Variants in MED14 observed in about 807,000 individuals in gnomAD.
MED14 encodes the protein mediator of RNA polymerase II transcription subunit 14.
In MED14, 8 loss-of-function variants were observed where a neutral mutation model predicts 109.0. The ratio of observed to expected loss-of-function variants is 0.07; its 90% confidence interval spans 0.04 to 0.13. The LOEUF (loss-of-function observed/expected upper bound fraction) is 0.13. MED14 is among the 10% of genes least tolerant of loss of function. The probability of loss-of-function intolerance (pLI) is 1.00; values close to 1 mark genes in which losing one functional copy is unlikely to be tolerated. For synonymous variants in MED14, 399 were observed against 408.7 expected (o/e 0.98, Z 0.29); for missense variants, 711 against 1,142.4 (o/e 0.62, Z 5.44).
chrX:40,724,332 T>C (rs569664912), intron 3 of MED14, among the ~76,000 whole-genome samples: 4 of 112,473 alleles, frequency 3.6e-5, no homozygotes, highest in East Asian at 5.5e-4. Flanking sequence ...GTGGAACAAA[T>C]AAACCTAATA....
intron 1 of MED14, among the ~76,000 whole-genome samples, chrX:40,731,291 A>G (rs1435755169): frequency 9.0e-6 from 1 of 110,899 alleles, no homozygotes; most frequent in Non-Finnish European, 1.9e-5. Flanking sequence ...AAAACCACCT[A>G]AGTTGCCAAG....
In MED14 at chrX:40,651,263, G is replaced by A. The variant is rs61445550; in HGVS notation, c.*543C>T. 5.7e-5 allele frequency: 43 copies of A among 752,716 alleles called. No individual in the cohort carries two copies. The East Asian group carries it at 3.3e-3, about 58-fold the overall frequency. The allele number at this position is 752,716 out of a possible 1,213,427, so 62.0% of individuals were successfully genotyped here. On this transcript the variant is annotated 3_prime_UTR_variant, in exon 31 of 31. Coordinates refer to ENST00000324817, the MANE Select transcript of MED14 (RefSeq NM_004229.4). ...AGAGTTTATATACACACAAGTGAGT[G>A]TCACTGTTTTGTTTTGTTTTTGACC...
chrX:40,698,805 A>G (rs762471719), intron 12 of MED14, among the ~76,000 whole-genome samples: 85 of 112,441 alleles, frequency 7.6e-4, no homozygotes, highest in Middle Eastern at 4.6e-3. Flanking sequence ...TTCTCGCAAC[A>G]TTACTGATGA....
chrX:40,708,154 A>G (rs986812102), intron 10 of MED14, among the ~76,000 whole-genome samples: 1 of 110,939 alleles, frequency 9.0e-6, no homozygotes, highest in Non-Finnish European at 1.9e-5. Flanking sequence ...CCCAAGACAC[A>G]TCTAACCAAT....
At position 40,712,938 on chromosome X, in the gene MED14, G is replaced by T; in HGVS notation, c.757C>A (p.Leu253Ile). Reference sequence around the variant, plus strand: ...CCTCCTGTTTCCTTATCCTCAACTAGAATTTCTAGCTTGAGAAGACGCCAT... The same window carrying T: ...CCTCCTGTTTCCTTATCCTCAACTATAATTTCTAGCTTGAGAAGACGCCAT... The part of the protein sequence containing the change: ...VPWRLLKLEI[L>I]VEDKETGDGR... The change falls in exon 6 of 31, where the codon CTA becomes ATA. Residue 253 changes from leucine to isoleucine, a missense_variant. Physicochemically the swap from Leu to Ile is conservative, Grantham distance 5. This residue lies in a region of MED14 where 388 missense variants were observed against 517.3 expected (regional missense o/e 0.75). Transcript: ENST00000324817. 1 of 1,182,832 alleles carries T rather than the reference G, an allele frequency of 8.5e-7. No homozygotes were observed. The highest frequency in any genetic ancestry group is 1.1e-6 in the Non-Finnish European group (1 of 876,539).
At chrX:40,659,126 G>A in intron 28 of MED14, 101 bp downstream of exon 28, 1 of 421,494 alleles carries the variant, frequency 2.4e-6, no homozygotes. Context: ...GAGAAAAATA[G>A]AAGAAACTAC....
chrX:40,692,858 C>T lies in MED14; in HGVS notation c.1695G>A (p.Ser565=), dbSNP rs1930576445. ...TCACAGACATAAAGTAGTACTTGTACGACAGTTGTGTGGGTTTATTGGGAA... is the reference window on the plus strand; with the variant it reads ...TCACAGACATAAAGTAGTACTTGTATGACAGTTGTGTGGGTTTATTGGGAA... The part of the protein sequence containing the change: ...LEVPNKPTQL[S]YKYYFMSVNA... Residue 565 remains serine, a synonymous_variant, in exon 14 of 31, where the codon TCG becomes TCA. Coordinates refer to ENST00000324817, the MANE Select transcript of MED14 (RefSeq NM_004229.4). 1.7e-6 allele frequency: 2 copies of T among 1,194,035 alleles called. No individual in the cohort carries two copies. Among genetic ancestry groups the T allele is most frequent in the Non-Finnish European group, 2.3e-6 (2 of 888,188 alleles).
In MED14 at chrX:40,649,162, G is replaced by A. The variant is rs1410837440; in HGVS notation, c.*2644C>T. ...GGTAGCAAAGTTATAACTTCTTGAA[G>A]TTATCAAATTAACCACAGTCCAAAG... On this transcript the variant is annotated 3_prime_UTR_variant, in exon 31 of 31. Coordinates refer to ENST00000324817, the MANE Select transcript of MED14 (RefSeq NM_004229.4). The A allele has an allele frequency of 3.6e-5, 4 of 112,305 alleles. No homozygotes were observed. Among genetic ancestry groups the A allele is most frequent in the Non-Finnish European group, 7.5e-5 (4 of 53,340 alleles). 9.3% of individuals were successfully genotyped at this position (112,305 alleles called of 1,213,427 possible).
chrX:40,664,120 T>C (rs992441770), intron 25 of MED14, among the ~76,000 whole-genome samples, 187 bp downstream of exon 25: 1 of 111,020 alleles, frequency 9.0e-6, no homozygotes, highest in African/African-American at 3.3e-5. Flanking sequence ...TAGGCAAACA[T>C]GTGAAGGCTC....
chrX:40,687,382 T>C (rs1569287328), intron 16 of MED14, among the ~76,000 whole-genome samples: 1 of 112,062 alleles, frequency 8.9e-6, no homozygotes, highest in Non-Finnish European at 1.9e-5. Flanking sequence ...GTGGTTTCAT[T>C]ACTTTAGTCT....
At chrX:40,682,052 T>C in intron 18 of MED14, 109 bp from the exon 19 acceptor site, 1 of 366,083 alleles carries the variant, frequency 2.7e-6, no homozygotes, top group South Asian at 7.3e-5. Context: ...GACAGGTCTC[T>C]AGTTAAGTAA....
intron 24 of MED14, 133 bp downstream of exon 24, chrX:40,666,587 C>A (rs1929495780): frequency 1.5e-6 from 1 of 679,060 alleles, no homozygotes; most frequent in Non-Finnish European, 2.2e-6. Flanking sequence ...ATTTGATTTT[C>A]TTTTTGCTTG....
intron 24 of MED14, among the ~76,000 whole-genome samples, chrX:40,665,001 C>T (rs1021222673): frequency 1.8e-5 from 2 of 111,510 alleles, no homozygotes; most frequent in Non-Finnish European, 3.8e-5. Flanking sequence ...TTTCACCCTC[C>T]ATTGGTATCT....
In MED14 at chrX:40,687,247, T is replaced by A. The variant is rs142378284; in HGVS notation, c.2057+1207A>T. ...TAAAACCAAGAATCATCTTTGCCAC[T>A]TTCCCCTCTTTCTCACCTTCAACAC... On this transcript the variant is annotated intron_variant, in intron 16 of 30. Transcript: ENST00000324817. Among the ~76,000 whole-genome samples the A allele has an allele frequency of 2.6e-3, 287 of 111,554 alleles. 1 individual carries two copies. The highest frequency in any genetic ancestry group is 4.4e-3 in the Non-Finnish European group (232 of 53,091).
chrX:40,678,601 TA>T (rs959157558), intron 21 of MED14, among the ~76,000 whole-genome samples: 7 of 109,073 alleles, frequency 6.4e-5, no homozygotes, highest in Non-Finnish European at 9.6e-5. Context: ...AAAGCACACA[TA>T]AAAAAAAATT....
intron 24 of MED14, among the ~76,000 whole-genome samples, chrX:40,666,118 A>G (rs1602448457): frequency 8.9e-6 from 1 of 112,128 alleles, no homozygotes; most frequent in Middle Eastern, 4.6e-3. Context: ...TGAACACTGT[A>G]AAGTATGCTG....
intron 20 of MED14, 136 bp downstream of exon 20, chrX:40,680,622 T>C (rs1481675149): frequency 1.0e-5 from 5 of 498,785 alleles, no homozygotes; most frequent in East Asian, 3.9e-5. Context: ...TTTGCCACAT[T>C]GCCCAAGCTG....
intron 4 of MED14, among the ~76,000 whole-genome samples, chrX:40,714,264 A>G (rs1931436485): frequency 8.9e-6 from 1 of 112,087 alleles, no homozygotes; most frequent in African/African-American, 3.2e-5. Flanking sequence ...AGCAACTAGC[A>G]TGTAGCATTT....
intron 1 of MED14, among the ~76,000 whole-genome samples, chrX:40,734,512 AAC>A (rs1424804379): frequency 1.8e-5 from 2 of 112,685 alleles, no homozygotes; most frequent in Admixed American, 9.4e-5. Context: ...TAAGATGTAC[AAC>A]AGAGTCCCAA....
Sources: gnomAD v4.1 joint callset for allele counts (sites outside exome capture counted in the v4.1 genomes callset) on GRCh38, gnomAD v4.1.1 for gene constraint, gnomAD v4.1.1 regional missense constraint, MANE v1.5 for transcripts, NCBI Gene and HGNC (gene_info 2026-07-23, HGNC 2026-07-21) for gene names.